Variants in NHLRC2 observed in about 807,000 individuals in gnomAD.
The protein encoded by NHLRC2 is NHL repeat-containing protein 2.
NHLRC2 carries 33 observed loss-of-function variants against 68.1 expected under a neutral mutation model. That is an observed-to-expected ratio of 0.48 (90% CI 0.37 to 0.65). The LOEUF (loss-of-function observed/expected upper bound fraction) is 0.65. NHLRC2 is among the 30% of genes least tolerant of loss of function. The pLI is 0.00. For missense variants in NHLRC2, 761 were observed against 853.8 expected, an observed-to-expected ratio of 0.89 and a Z score of 1.35; for synonymous variants, 311 against 309.6, an observed-to-expected ratio of 1.00 and a Z score of -0.05.
chr10:113,864,102 GA>G (rs1194794438), intron 2 of NHLRC2, among the ~76,000 whole-genome samples: 4 of 151,886 alleles, frequency 2.6e-5, no homozygotes, highest in African/African-American at 9.7e-5. Context: ...TATGTTAGGT[GA>G]AAAAAAATTC....
rs1262583037 is a variant in NHLRC2 at position 113,912,080 on chromosome 10, T to C, written c.*3544T>C. 6.6e-6 allele frequency: 1 copy of C among 152,258 alleles called. No individual in the cohort carries two copies. Among genetic ancestry groups the C allele is most frequent in the East Asian group, 1.9e-4 (1 of 5,206 alleles). 9.4% of individuals were successfully genotyped at this position (152,258 alleles called of 1,614,324 possible). A position where few individuals can be genotyped will look rare whatever the true frequency, so the allele number is the denominator to read the frequency against. On this transcript the variant is annotated 3_prime_UTR_variant, in exon 11 of 11. Transcript: ENST00000369301. The stretch of plus-strand genomic sequence containing the variant: ...TCTTAAGTACGTGATTTCGTGAAGA[T>C]AGCAATGGTTATGGCTTTTTTGTTC...
chr10:113,907,805 C>T (rs916508213), intron 10 of NHLRC2, among the ~76,000 whole-genome samples: 7 of 151,846 alleles, frequency 4.6e-5, no homozygotes, highest in African/African-American at 1.7e-4. Context: ...CATTATTAAC[C>T]AGAAAGTCAC....
rs376753494 is a variant in NHLRC2 at position 113,901,917 on chromosome 10, C to G, written c.1371+20C>G. 1 of 1,515,000 alleles carries G rather than the reference C, an allele frequency of 6.6e-7. No individual in the cohort carries two copies. Among genetic ancestry groups the G allele is most frequent in the African/African-American group, 1.4e-5 (1 of 72,980 alleles). 93.8% of individuals were successfully genotyped at this position (1,515,000 alleles called of 1,614,324 possible). On this transcript the variant is annotated intron_variant, in intron 7 of 10. Coordinates refer to ENST00000369301, the MANE Select transcript of NHLRC2 (RefSeq NM_198514.4). Reference sequence around the variant, plus strand: ...CCCATGGTAATGACAGTCACTCTTGCACAGTGCGCTCGGACACTGAGCAAG... The same window carrying G: ...CCCATGGTAATGACAGTCACTCTTGGACAGTGCGCTCGGACACTGAGCAAG...
Position 113,915,252 on chromosome 10 carries a change from A to C in NHLRC2, c.*6716A>C. 2 of 456,312 alleles carry C rather than the reference A, an allele frequency of 4.4e-6. No individual in the cohort carries two copies. The highest frequency in any genetic ancestry group is 3.3e-4 in the Middle Eastern group (1 of 3,076). The allele number at this position is 456,312 out of a possible 1,614,324, so 28.3% of individuals were successfully genotyped here. On this transcript the variant is annotated 3_prime_UTR_variant, in exon 11 of 11. Coordinates refer to ENST00000369301, the MANE Select transcript of NHLRC2 (RefSeq NM_198514.4). ...GAAAATATTGCAACTATTTGCAAAC[A>C]TACTTCCCTACCTGTACAAGCAGCC...
intron 7 of NHLRC2, 28 bp from the exon 8 acceptor site, chr10:113,902,443 G>A (rs771236432): frequency 4.1e-6 from 6 of 1,446,796 alleles, no homozygotes; most frequent in African/African-American, 1.4e-5. Context: ...AATAACTGCT[G>A]TTTCTTTTCT....
In NHLRC2 at chr10:113,913,102, A is replaced by G. The variant is rs1482991313; in HGVS notation, c.*4566A>G. The G allele has an allele frequency of 6.6e-6, 1 of 152,168 alleles. No individual in the cohort carries two copies. The highest frequency in any genetic ancestry group is 6.6e-5 in the Admixed American group (1 of 15,266). The allele number at this position is 152,168 out of a possible 1,614,324, so 9.4% of individuals were successfully genotyped here. On this transcript the variant is annotated 3_prime_UTR_variant, in exon 11 of 11. Coordinates refer to ENST00000369301, the MANE Select transcript of NHLRC2 (RefSeq NM_198514.4). The stretch of plus-strand genomic sequence containing the variant: ...ACAACAACCTTATGTGAGAAATACC[A>G]TTTTTCCTTATTTGATTGGTGAAGA...
At chr10:113,876,423 TG>T in intron 2 of NHLRC2, 97 bp from the exon 3 acceptor site, 1 of 668,600 alleles carries the variant, frequency 1.5e-6, no homozygotes. Context: ...TTTTAATCTA[TG>T]GACTTTTAAT....
chr10:113,899,311 G>T (rs530260439), intron 6 of NHLRC2, among the ~76,000 whole-genome samples: 2 of 152,248 alleles, frequency 1.3e-5, no homozygotes, highest in East Asian at 1.9e-4. Context: ...AACCGGAAAG[G>T]CTGTCACGTA....
At chr10:113,890,438 A>G (rs910219158) in intron 5 of NHLRC2, among the ~76,000 whole-genome samples, 2 of 151,846 alleles carry the variant, frequency 1.3e-5, no homozygotes, top group Non-Finnish European at 2.9e-5. Flanking sequence ...TCAAGATTTT[A>G]TCTTTGGTTT....
chr10:113,858,809 C>T (rs1845787940), intron 2 of NHLRC2, 129 bp downstream of exon 2: 1 of 608,708 alleles, frequency 1.6e-6, no homozygotes, highest in Admixed American at 2.8e-5. Flanking sequence ...AATCTCTTAT[C>T]TATGAATTAA....
chr10:113,899,849 C>T (rs1015136327), intron 6 of NHLRC2, among the ~76,000 whole-genome samples: 18 of 151,804 alleles, frequency 1.2e-4, no homozygotes, highest in African/African-American at 3.9e-4. Flanking sequence ...ACCCAGGAGG[C>T]GGAAGGTTGC....
At chr10:113,886,922 G>T (rs1846088036) in intron 5 of NHLRC2, among the ~76,000 whole-genome samples, 1 of 152,176 alleles carries the variant, frequency 6.6e-6, no homozygotes, top group African/African-American at 2.4e-5. Context: ...ACAGTTAACA[G>T]AATGAAGAGA....
intron 10 of NHLRC2, among the ~76,000 whole-genome samples, chr10:113,907,924 G>A (rs1846290701): frequency 6.6e-6 from 1 of 152,038 alleles, no homozygotes; most frequent in South Asian, 2.1e-4. Context: ...TTTCTCAAGT[G>A]TCGTATGTTT....
intron 5 of NHLRC2, among the ~76,000 whole-genome samples, chr10:113,891,282 A>G (rs1393527943): frequency 6.6e-6 from 1 of 152,148 alleles, no homozygotes; most frequent in East Asian, 1.9e-4. Flanking sequence ...TTAACATACT[A>G]TGCATAGTTA....
intron 2 of NHLRC2, among the ~76,000 whole-genome samples, chr10:113,861,538 C>G (rs1400777506): frequency 1.3e-5 from 2 of 152,150 alleles, no homozygotes; most frequent in Non-Finnish European, 2.9e-5. Context: ...AACTGTCAAC[C>G]AAGAATTCTA....
At position 113,858,544 on chromosome 10, in the gene NHLRC2, C is replaced by A; in HGVS notation, c.195C>A (p.Asn65Lys). 6.2e-7 allele frequency: 1 copy of A among 1,602,794 alleles called. No individual in the cohort carries two copies. The highest frequency in any genetic ancestry group is 8.5e-7 in the Non-Finnish European group (1 of 1,171,106). Residue 65 changes from asparagine (N) to lysine (K), a missense_variant, in exon 2 of 11, where the codon AAC (asparagine) becomes AAA (lysine). Transcript: ENST00000369301. ...PEFPEGLEWL[N>K]TEEPISVYKD... is the part of the protein sequence containing the mutation. The stretch of plus-strand genomic sequence containing the variant: ...AAATTTCAGGATTAGAATGGCTGAA[C>A]ACAGAAGAACCTATTTCTGTCTACA...
chr10:113,898,452 G>A (rs886392145), intron 6 of NHLRC2, among the ~76,000 whole-genome samples: 1 of 152,260 alleles, frequency 6.6e-6, no homozygotes, highest in African/African-American at 2.4e-5. Context: ...CGGGAGCTTC[G>A]CCAGTCATCC....
At chr10:113,877,990 A>T (rs571047656) in intron 3 of NHLRC2, among the ~76,000 whole-genome samples, 1 of 152,224 alleles carries the variant, frequency 6.6e-6, no homozygotes. Context: ...GTGATTTTCA[A>T]AATAGTGTAG....
chr10:113,915,180 G>A lies in NHLRC2; in HGVS notation c.*6644G>A, dbSNP rs1339825281. 2.2e-6 allele frequency: 1 copy of A among 456,206 alleles called. No individual in the cohort carries two copies. Among genetic ancestry groups the A allele is most frequent in the East Asian group, 6.9e-5 (1 of 14,416 alleles). The allele number at this position is 456,206 out of a possible 1,614,324, so 28.3% of individuals were successfully genotyped here. ...TTCTTCACTGGCATGTCGCTTTCAA[G>A]TGTACCAAAGGACATTTTGTTCTGT... On this transcript the variant is annotated 3_prime_UTR_variant, in exon 11 of 11. Transcript: ENST00000369301.
Sources: allele counts gnomAD v4.1 joint callset (sites outside exome capture counted in the v4.1 genomes callset), GRCh38; gene constraint gnomAD v4.1.1; transcripts MANE v1.5; gene names NCBI Gene and HGNC (gene_info 2026-07-23, HGNC 2026-07-21).